Variants in FAM135B observed in about 807,000 individuals in gnomAD.
FAM135B encodes the protein family with sequence similarity 135 member B.
A neutral mutation model predicts 127.7 loss-of-function variants in FAM135B; 43 were observed. The ratio of observed to expected loss-of-function variants is 0.34; its 90% CI spans 0.26 to 0.43. FAM135B has a LOEUF of 0.43. FAM135B is among the 20% of genes least tolerant of loss of function. The pLI is 1.00. For synonymous variants in FAM135B, 670 were observed against 665.1 expected (o/e 1.01, Z -0.11); for missense variants, 1,558 against 1,725.6 (o/e 0.90, Z 1.72).
rs1206663328 is a variant in FAM135B at position 138,242,838 on chromosome 8, A to G, written c.669+104T>C. 6.9e-7 allele frequency: 1 copy of G among 1,456,180 alleles called. No homozygotes were observed. The highest frequency in any genetic ancestry group is 1.5e-5 in the South Asian group (1 of 66,900). 90.2% of individuals were successfully genotyped at this position (1,456,180 alleles called of 1,614,324 possible). On this transcript the variant is annotated intron_variant, in intron 7 of 19. Coordinates refer to ENST00000395297, the MANE Select transcript of FAM135B (RefSeq NM_015912.4). This position sits in a 1 kb window ranked among gnomAD's most constrained non-coding sequence, Gnocchi z 9.6. ...TGAAAGGAAGGGTCAAATTAGCAAA[A>G]ATCTCTGAAGGGGATGTTTCAAAGA...
Position 138,152,241 on chromosome 8 carries a change from G to T in FAM135B, c.2234C>A (p.Ala745Asp). Residue 745 changes from alanine (A) to aspartate (D), a missense_variant, in exon 13 of 20, where the codon GCT becomes GAT. Physicochemically the swap from Ala to Asp is moderately radical, Grantham distance 126 (BLOSUM62 -2). Coordinates refer to ENST00000395297, the MANE Select transcript of FAM135B (RefSeq NM_015912.4). ...SNTSLPSGIQ[A>D]SLTSISSLPF... is the part of the protein sequence containing the mutation. ...TAAAGAGCTAATGGAGGTGAGAGAA[G>T]CCTGGATGCCGCTTGGCAAACTTGT... The T allele has an allele frequency of 1.2e-6, 2 of 1,614,122 alleles. No homozygotes were observed. Among genetic ancestry groups the T allele is most frequent in the Non-Finnish European group, 1.7e-6 (2 of 1,180,044 alleles).
intron 5 of FAM135B, among the ~76,000 whole-genome samples, chr8:138,256,052 G>C (rs185453069): frequency 5.9e-5 from 9 of 152,236 alleles, no homozygotes; most frequent in Non-Finnish European, 8.8e-5. Context: ...ATGAGGTTTA[G>C]AGTTCTGGTA....
intron 9 of FAM135B, among the ~76,000 whole-genome samples, chr8:138,184,848 T>C (rs186236002): frequency 6.2e-4 from 94 of 152,300 alleles, no homozygotes; most frequent in African/African-American, 2.2e-3. Context: ...TAGTGGGAAT[T>C]GCAGAATCTC....
chr8:138,149,019 T>G (rs1462926776), intron 13 of FAM135B, among the ~76,000 whole-genome samples: 2 of 148,456 alleles, frequency 1.3e-5, no homozygotes, highest in East Asian at 4.1e-4. Flanking sequence ...TTAGGAGATA[T>G]ACCTAACGTA....
intron 1 of FAM135B, among the ~76,000 whole-genome samples, chr8:138,409,140 C>A (rs975642066): frequency 6.6e-6 from 1 of 152,038 alleles, no homozygotes; most frequent in Non-Finnish European, 1.5e-5. Context: ...TAGTTTAAAG[C>A]GAGAAACATG....
chr8:138,323,565 G>A (rs1827598566), intron 2 of FAM135B, among the ~76,000 whole-genome samples: 1 of 152,214 alleles, frequency 6.6e-6, no homozygotes, highest in Non-Finnish European at 1.5e-5. Flanking sequence ...AGAGCAGAAG[G>A]AGAAGTCTGA....
chr8:138,470,973 T>G (rs1187108708), intron 1 of FAM135B, among the ~76,000 whole-genome samples: 6 of 152,234 alleles, frequency 3.9e-5, no homozygotes, highest in Admixed American at 3.9e-4. Context: ...AATACATGCC[T>G]CTCACTCTGG....
chr8:138,193,133 G>A (rs897871526), intron 9 of FAM135B, among the ~76,000 whole-genome samples: 4 of 152,294 alleles, frequency 2.6e-5, no homozygotes, highest in South Asian at 4.1e-4. Flanking sequence ...CTGCCCTCAC[G>A]ACCGCACAGC....
intron 2 of FAM135B, among the ~76,000 whole-genome samples, chr8:138,353,390 T>C (rs1039677845): frequency 6.6e-6 from 1 of 152,186 alleles, no homozygotes; most frequent in African/African-American, 2.4e-5. Flanking sequence ...TTGGTCCTTA[T>C]ACCCTTGATT....
At chr8:138,444,565 G>A (rs1835996288) in intron 1 of FAM135B, among the ~76,000 whole-genome samples, 2 of 152,092 alleles carry the variant, frequency 1.3e-5, no homozygotes, top group Admixed American at 1.3e-4. Flanking sequence ...GGTACATAAT[G>A]AAATGAAGGC....
At chr8:138,178,758 G>A (rs1814725349) in intron 9 of FAM135B, 68 bp from the exon 10 acceptor site, 8 of 1,463,228 alleles carry the variant, frequency 5.5e-6, no homozygotes, top group Non-Finnish European at 7.6e-6. Context: ...TCTTCTTCCT[G>A]AAGTCTTTAC....
intron 7 of FAM135B, among the ~76,000 whole-genome samples, chr8:138,206,111 T>C (rs1361584936): frequency 6.2e-5 from 4 of 64,326 alleles, no homozygotes; most frequent in Non-Finnish European, 1.2e-4. Context: ...CAGCATCACC[T>C]CCACCTACAC....
chr8:138,259,130 G>A (rs1822347398), intron 4 of FAM135B, among the ~76,000 whole-genome samples: 1 of 152,180 alleles, frequency 6.6e-6, no homozygotes, highest in Non-Finnish European at 1.5e-5. Flanking sequence ...CAGCTAGTGA[G>A]AGTCCCACAT....
At chr8:138,216,595 G>A (rs1818564671) in intron 7 of FAM135B, among the ~76,000 whole-genome samples, 1 of 152,176 alleles carries the variant, frequency 6.6e-6, no homozygotes, top group Admixed American at 6.5e-5. Flanking sequence ...CAAAAAGTCA[G>A]TCATCTGATG....
At chr8:138,360,037 A>G (rs939281683) in intron 2 of FAM135B, among the ~76,000 whole-genome samples, 8 of 152,194 alleles carry the variant, frequency 5.3e-5, no homozygotes, top group Non-Finnish European at 1.2e-4. Context: ...TTCTCAGTAA[A>G]ATCATCTAAA....
chr8:138,229,100 G>A (rs1167393203), intron 7 of FAM135B, among the ~76,000 whole-genome samples: 2 of 152,150 alleles, frequency 1.3e-5, no homozygotes, highest in Admixed American at 6.5e-5. Context: ...CGGCAATGCT[G>A]TCAGCACAAT....
rs770263801 is a variant in FAM135B, at chr8:138,152,910, T to C, written c.1565A>G (p.Gln522Arg). ...TGGATATGTCCCAGCATCAGATGTT[T>C]GGCCAGTCCAACATTCATCTTCAGG... ...GVPEDECWTG[Q>R]TSDAGTYPVA... The change falls in exon 13 of 20, where the codon CAA (glutamine) becomes CGA (arginine). Residue 522 changes from glutamine (Q) to arginine (R), a missense_variant. Transcript: ENST00000395297. 9 of 1,614,244 alleles carry C rather than the reference T, an allele frequency of 5.6e-6. No homozygotes were observed. The highest frequency in any genetic ancestry group is 1.1e-5 in the South Asian group (1 of 91,088).
chr8:138,300,037 G>A (rs935641261), intron 3 of FAM135B, among the ~76,000 whole-genome samples: 1 of 151,732 alleles, frequency 6.6e-6, no homozygotes, highest in African/African-American at 2.4e-5. Flanking sequence ...GCAAGATCTC[G>A]GCTCACTGCA....
chr8:138,243,670 T>C lies in FAM135B; in HGVS notation c.543-602A>G, dbSNP rs1821044952. On this transcript the variant is annotated intron_variant, in intron 6 of 19. Transcript: ENST00000395297. The surrounding 1 kb of genome is among the most constrained non-coding windows in gnomAD (Gnocchi z 7.5). Reference sequence around the variant, plus strand: ...TCTGCAATCCAAAGATTAATGGACATATTGTGATGGCAATGATCAATTTCA... The same window carrying C: ...TCTGCAATCCAAAGATTAATGGACACATTGTGATGGCAATGATCAATTTCA... 6.6e-6 allele frequency among the ~76,000 whole-genome samples: 1 copy of C among 152,228 alleles called. No homozygotes were observed. Among genetic ancestry groups the C allele is most frequent in the Admixed American group, 6.5e-5 (1 of 15,288 alleles).
Sources: gnomAD v4.1 joint callset for allele counts (sites outside exome capture counted in the v4.1 genomes callset) on GRCh38, gnomAD v4.1.1 for gene constraint, Gnocchi (gnomAD v3.1) non-coding constraint, MANE v1.5 for transcripts, NCBI Gene and HGNC (gene_info 2026-07-23, HGNC 2026-07-21) for gene names.